The following ARHGAP26 variants were observed in gnomAD, a reference collection of about 807,000 sequenced individuals.
ARHGAP26 encodes the protein Rho GTPase activating protein 26.
A neutral mutation model predicts 104.8 loss-of-function variants in ARHGAP26; 38 were observed. The ratio of observed to expected loss-of-function variants is 0.36; its 90% CI spans 0.28 to 0.48. The LOEUF (loss-of-function observed/expected upper bound fraction) is 0.48. Among genes scored for constraint, ARHGAP26 ranks in the 20% least tolerant of loss-of-function variants. The pLI is 0.99. For synonymous variants in ARHGAP26, 341 were observed against 340.0 expected (o/e 1.00, Z -0.03); for missense variants, 704 against 947.9 (o/e 0.74, Z 3.38).
intron 17 of ARHGAP26, among the ~76,000 whole-genome samples, chr5:143,068,615 C>G (rs193273671): frequency 6.6e-6 from 1 of 152,328 alleles, no homozygotes; most frequent in African/African-American, 2.4e-5. Flanking sequence ...TCTTTCCCAT[C>G]AGCACATAAG....
At chr5:143,036,796 T>C (rs527440048) in intron 12 of ARHGAP26, among the ~76,000 whole-genome samples, 35 of 152,328 alleles carry the variant, frequency 2.3e-4, no homozygotes, top group African/African-American at 7.9e-4. Context: ...TTACCCAACA[T>C]TTATAGACCA....
chr5:143,170,402 T>C (rs1489272712), intron 20 of ARHGAP26: 1 of 152,200 alleles, frequency 6.6e-6, no homozygotes, highest in Non-Finnish European at 1.5e-5. Context: ...TGTGACATTG[T>C]CCAAAACCTA....
intron 5 of ARHGAP26, among the ~76,000 whole-genome samples, chr5:142,890,033 G>C (rs2152418675): frequency 6.7e-6 from 1 of 150,362 alleles, no homozygotes; most frequent in South Asian, 2.1e-4. Context: ...TACTTGGGAA[G>C]GCTGAGGCAG....
intron 13 of ARHGAP26, 53 bp downstream of exon 13, chr5:143,037,314 G>A (rs963518311): frequency 2.0e-6 from 3 of 1,473,756 alleles, no homozygotes; most frequent in Middle Eastern, 1.8e-4. Context: ...CGCATCTGGT[G>A]AGGAGTCAGA....
intron 12 of ARHGAP26, among the ~76,000 whole-genome samples, chr5:143,024,900 A>G (rs1780833419): frequency 6.6e-6 from 1 of 152,156 alleles, no homozygotes; most frequent in South Asian, 2.1e-4. Context: ...AGCCTCAAGA[A>G]TTACTGAGTG....
intron 17 of ARHGAP26, among the ~76,000 whole-genome samples, chr5:143,107,869 G>A (rs901517768): frequency 1.3e-5 from 2 of 152,148 alleles, no homozygotes; most frequent in African/African-American, 4.8e-5. Context: ...TTCCAGCTTT[G>A]TGCCACCTTT....
At chr5:143,106,275 C>A (rs1794001804) in intron 17 of ARHGAP26, among the ~76,000 whole-genome samples, 1 of 151,952 alleles carries the variant, frequency 6.6e-6, no homozygotes, top group Non-Finnish European at 1.5e-5. Context: ...GAGCTGCTTC[C>A]TAAATGGGTT....
chr5:142,861,350 GT>G lies in ARHGAP26; in HGVS notation c.155-12038del, dbSNP rs70991781. On this transcript the variant is annotated intron_variant, in intron 1 of 22. Coordinates refer to ENST00000645722, the MANE Select transcript of ARHGAP26 (RefSeq NM_001135608.3). Reference sequence around the variant, plus strand: ...GGCTTTGTTCAGAATGGCTAGGTCCGTTTTTTTTTTTTCTTTTTTCTTCCAG... The same window carrying G: ...GGCTTTGTTCAGAATGGCTAGGTCCGTTTTTTTTTTTCTTTTTTCTTCCAG... Among the ~76,000 whole-genome samples the G allele has an allele frequency of 2.6e-4, 38 of 146,158 alleles. 1 individual carries two copies. The East Asian group carries it at 2.8e-3, about 11-fold the overall frequency.
intron 20 of ARHGAP26, among the ~76,000 whole-genome samples, chr5:143,192,784 T>A (rs1806137137): frequency 6.6e-6 from 1 of 152,192 alleles, no homozygotes. Context: ...ACATTTGGAT[T>A]TAAGAGCCCA....
At chr5:143,139,781 C>T (rs1049145743) in intron 19 of ARHGAP26, among the ~76,000 whole-genome samples, 1 of 152,154 alleles carries the variant, frequency 6.6e-6, no homozygotes, top group Non-Finnish European at 1.5e-5. Context: ...TCTTTAATCT[C>T]CAAGTTTCCA....
intron 17 of ARHGAP26, among the ~76,000 whole-genome samples, chr5:143,110,489 G>A (rs1794649929): frequency 6.7e-6 from 1 of 149,646 alleles, no homozygotes; most frequent in Non-Finnish European, 1.5e-5. Context: ...CTTAAAGGTA[G>A]TAGGTTGTGT....
chr5:142,823,501 G>T lies in ARHGAP26; in HGVS notation c.155-49899G>T, dbSNP rs189129120. Among the ~76,000 whole-genome samples, 4 of 151,958 alleles carry T rather than the reference G, an allele frequency of 2.6e-5. No individual in the cohort carries two copies. In the East Asian group the frequency reaches 5.8e-4, roughly 22 times the overall value. On this transcript the variant is annotated intron_variant, in intron 1 of 22. Transcript: ENST00000645722. ...CCTAAAGCCTGGCTCTTGGGACTGT[G>T]TGACGTTATACACCACTCTTTTTGT...
chr5:142,927,987 T>C (rs534315383), intron 10 of ARHGAP26, among the ~76,000 whole-genome samples: 5 of 152,370 alleles, frequency 3.3e-5, no homozygotes, highest in African/African-American at 1.2e-4. Flanking sequence ...TTCAAGTATT[T>C]ATTGTATTGG....
At chr5:142,916,377 C>T (rs146180094) in intron 10 of ARHGAP26, among the ~76,000 whole-genome samples, 1 of 152,256 alleles carries the variant, frequency 6.6e-6, no homozygotes, top group East Asian at 1.9e-4. Flanking sequence ...CGTACATCAA[C>T]GTATTTTACT....
At chr5:142,866,805 C>G (rs1754363946) in intron 1 of ARHGAP26, 1 of 152,156 alleles carries the variant, frequency 6.6e-6, no homozygotes, top group Non-Finnish European at 1.5e-5. Context: ...TGTTATGTAA[C>G]GTACCGTGGC....
chr5:143,031,013 G>A (rs1598718897), intron 12 of ARHGAP26, among the ~76,000 whole-genome samples: 1 of 152,204 alleles, frequency 6.6e-6, no homozygotes, highest in East Asian at 1.9e-4. Flanking sequence ...ACCTAGGTGG[G>A]AACGTCTGAG....
At chr5:142,938,343 A>G (rs1765750578) in intron 11 of ARHGAP26, among the ~76,000 whole-genome samples, 1 of 152,184 alleles carries the variant, frequency 6.6e-6, no homozygotes. Flanking sequence ...GGGTTGACAA[A>G]CAATAGGGTC....
At chr5:142,921,457 C>G (rs1763180525) in intron 10 of ARHGAP26, 1 of 166,960 alleles carries the variant, frequency 6.0e-6, no homozygotes, top group Non-Finnish European at 1.5e-5. Context: ...ACTAGAGGAG[C>G]TTAATCAAGT....
intron 17 of ARHGAP26, among the ~76,000 whole-genome samples, chr5:143,062,586 A>C (rs1278771988): frequency 6.6e-6 from 1 of 150,842 alleles, no homozygotes; most frequent in Non-Finnish European, 1.5e-5. Flanking sequence ...TCTGCAAATC[A>C]AAAAGGGATG....
Sources: gnomAD v4.1 joint callset for allele counts (sites outside exome capture counted in the v4.1 genomes callset) on GRCh38, gnomAD v4.1.1 for gene constraint, MANE v1.5 for transcripts, NCBI Gene and HGNC (gene_info 2026-07-23, HGNC 2026-07-21) for gene names.